Variants in CCDC85A observed in about 807,000 individuals in gnomAD.
CCDC85A encodes the protein coiled-coil domain-containing protein 85A.
A neutral mutation model predicts 50.2 loss-of-function variants in CCDC85A; 38 were observed. The ratio of observed to expected loss-of-function variants is 0.76; its 90% CI spans 0.58 to 0.99. The LOEUF (loss-of-function observed/expected upper bound fraction) is 0.99. Ranked by LOEUF, CCDC85A falls within the 50% of genes least tolerant of loss-of-function variation. CCDC85A has a pLI of 0.00. For synonymous variants in CCDC85A, 366 were observed against 301.4 expected, an observed-to-expected ratio of 1.21 and a Z score of -2.22; for missense variants, 820 against 742.0, an observed-to-expected ratio of 1.11 and a Z score of -1.22.
intron 2 of CCDC85A, among the ~76,000 whole-genome samples, chr2:56,235,859 G>A (rs17047655): frequency 0.13 from 19,445 of 152,128 alleles, 2,001 homozygotes; most frequent in African/African-American, 0.29. Context: ...TCTGGCTAAG[G>A]AAAGCTGGAC....
At chr2:56,339,255 T>A (rs1674236305) in intron 2 of CCDC85A, among the ~76,000 whole-genome samples, 1 of 152,206 alleles carries the variant, frequency 6.6e-6, no homozygotes, top group African/African-American at 2.4e-5. Flanking sequence ...TTTCATTATT[T>A]CACCTGTTTA....
At chr2:56,300,493 A>T (rs779310635) in intron 2 of CCDC85A, among the ~76,000 whole-genome samples, 8 of 152,148 alleles carry the variant, frequency 5.3e-5, no homozygotes, top group Non-Finnish European at 8.8e-5. Flanking sequence ...TGTAGGGGTG[A>T]TGCTGAACCT....
chr2:56,184,330 G>C lies in CCDC85A; in HGVS notation c.-295G>C. ...CTGTCCCCGAGGATTTCCCGCGGCA[G>C]CCCCGGGCTCCCCAGTGCCCCTCAC... On this transcript the variant is annotated 5_prime_UTR_variant, in exon 1 of 6. Transcript: ENST00000407595. The C allele has an allele frequency of 1.8e-6, 1 of 557,748 alleles. No homozygotes were observed. 34.5% of individuals were successfully genotyped at this position (557,748 alleles called of 1,614,324 possible).
In CCDC85A at chr2:56,184,014, G is replaced by C. The variant is rs1002284495; in HGVS notation, c.-611G>C. 15 of 985,386 alleles carry C rather than the reference G, an allele frequency of 1.5e-5. No individual in the cohort carries two copies. The highest frequency in any genetic ancestry group is 1.7e-5 in the African/African-American group (1 of 57,232). 61.0% of individuals were successfully genotyped at this position (985,386 alleles called of 1,614,324 possible). A position where few individuals can be genotyped will look rare whatever the true frequency, so the allele number is the denominator to read the frequency against. On this transcript the variant is annotated 5_prime_UTR_variant, in exon 1 of 6. Transcript: ENST00000407595. Reference sequence around the variant, plus strand: ...CCTTCTCGACTCCGCTCTGCAAATCGAAGGCTTTCCGGAGCAGCCTAGGAG... The same window carrying C: ...CCTTCTCGACTCCGCTCTGCAAATCCAAGGCTTTCCGGAGCAGCCTAGGAG...
intron 2 of CCDC85A, among the ~76,000 whole-genome samples, chr2:56,201,394 G>A (rs1676743290): frequency 6.6e-6 from 1 of 152,134 alleles, no homozygotes; most frequent in Non-Finnish European, 1.5e-5. Flanking sequence ...ACTCCCTGGT[G>A]AGTTGGCTTT....
intron 2 of CCDC85A, among the ~76,000 whole-genome samples, chr2:56,307,275 A>G (rs1387536640): frequency 6.6e-6 from 1 of 152,214 alleles, no homozygotes; most frequent in African/African-American, 2.4e-5. Context: ...AATGATAGAT[A>G]AAGTTTGTCA....
intron 3 of CCDC85A, among the ~76,000 whole-genome samples, chr2:56,366,876 T>G (rs149352913): frequency 8.5e-4 from 129 of 152,292 alleles, no homozygotes; most frequent in Non-Finnish European, 1.4e-3. Context: ...TCTTATTTCT[T>G]TCATCTTTTA....
intron 5 of CCDC85A, among the ~76,000 whole-genome samples, chr2:56,377,195 T>C (rs114649312): frequency 6.6e-6 from 1 of 152,168 alleles, no homozygotes; most frequent in Non-Finnish European, 1.5e-5. Flanking sequence ...AGTGAGCAAC[T>C]GAGAGGAATT....
intron 5 of CCDC85A, chr2:56,383,769 A>G (rs1676701048): frequency 1.0e-6 from 1 of 983,458 alleles, no homozygotes; most frequent in South Asian, 4.7e-5. Context: ...CATTTTCCTC[A>G]GCACATTAAA....
intron 3 of CCDC85A, among the ~76,000 whole-genome samples, chr2:56,369,863 A>G (rs1238320117): frequency 6.6e-6 from 1 of 152,102 alleles, no homozygotes; most frequent in Non-Finnish European, 1.5e-5. Context: ...TATTACCTCT[A>G]TAGAAGTTTC....
chr2:56,373,341 G>T (rs1045012072), intron 4 of CCDC85A, among the ~76,000 whole-genome samples: 7 of 150,450 alleles, frequency 4.7e-5, no homozygotes, highest in African/African-American at 1.7e-4. Flanking sequence ...AAATACTATT[G>T]TAGCCCCCAT....
In CCDC85A at chr2:56,263,933, G is replaced by A. The variant is rs569031093; in HGVS notation, c.1240+70493G>A. ...GTGTCCAGTCTTTTGGCTTCCCTGG[G>A]CCACACTGGAAGAAGAAGAATTGTC... On this transcript the variant is annotated intron_variant, in intron 2 of 5. Transcript: ENST00000407595. 2.6e-5 allele frequency among the ~76,000 whole-genome samples: 4 copies of A among 152,110 alleles called. No individual in the cohort carries two copies. The East Asian group carries it at 5.8e-4, about 22-fold the overall frequency.
intron 2 of CCDC85A, among the ~76,000 whole-genome samples, chr2:56,246,501 C>G (rs1277168068): frequency 6.6e-6 from 1 of 150,954 alleles, no homozygotes; most frequent in Non-Finnish European, 1.5e-5. Context: ...ATAGTTTTAC[C>G]TGTTACTTTT....
intron 2 of CCDC85A, among the ~76,000 whole-genome samples, chr2:56,275,775 T>C (rs1049667458): frequency 6.6e-6 from 1 of 152,226 alleles, no homozygotes; most frequent in Non-Finnish European, 1.5e-5. Context: ...ATAACTAGAT[T>C]GATCTGTGAT....
chr2:56,254,410 G>A (rs888126996), intron 2 of CCDC85A, among the ~76,000 whole-genome samples: 6 of 151,950 alleles, frequency 3.9e-5, no homozygotes, highest in African/African-American at 7.3e-5. Context: ...ATAGAGATAC[G>A]ACATTTATTC....
At chr2:56,275,043 T>C (rs765045602) in intron 2 of CCDC85A, among the ~76,000 whole-genome samples, 3 of 152,172 alleles carry the variant, frequency 2.0e-5, no homozygotes, top group Non-Finnish European at 4.4e-5. Context: ...CCAAATCTGA[T>C]TACCTCCCAA....
intron 2 of CCDC85A, among the ~76,000 whole-genome samples, chr2:56,339,262 T>G (rs1674236704): frequency 6.6e-6 from 1 of 152,200 alleles, no homozygotes; most frequent in South Asian, 2.1e-4. Flanking sequence ...ATTTCACCTG[T>G]TTAAAACTAT....
chr2:56,330,707 G>A (rs1203291823), intron 2 of CCDC85A, among the ~76,000 whole-genome samples: 2 of 152,142 alleles, frequency 1.3e-5, no homozygotes, highest in Non-Finnish European at 2.9e-5. Context: ...CGGCACATAT[G>A]TGACAAAATG....
Position 56,184,007 on chromosome 2 carries a change from G to T in CCDC85A, c.-618G>T. ...CTCCACCCCTTCTCGACTCCGCTCT[G>T]CAAATCGAAGGCTTTCCGGAGCAGC... On this transcript the variant is annotated 5_prime_UTR_variant, in exon 1 of 6. Coordinates refer to ENST00000407595, the MANE Select transcript of CCDC85A (RefSeq NM_001080433.2). The T allele has an allele frequency of 1.0e-6, 1 of 985,578 alleles. No individual in the cohort carries two copies. Among genetic ancestry groups the T allele is most frequent in the Non-Finnish European group, 1.2e-6 (1 of 830,100 alleles). The allele number at this position is 985,578 out of a possible 1,614,324, so 61.1% of individuals were successfully genotyped here. A position where few individuals can be genotyped will look rare whatever the true frequency, so the allele number is the denominator to read the frequency against.
Sources: allele counts gnomAD v4.1 joint callset (sites outside exome capture counted in the v4.1 genomes callset), GRCh38; gene constraint gnomAD v4.1.1; transcripts MANE v1.5; gene names NCBI Gene and HGNC (gene_info 2026-07-23, HGNC 2026-07-21).